CNOT7: variants seen among roughly 807,000 people sequenced by gnomAD.
CNOT7 encodes the protein BTG1-binding factor 1.
A neutral mutation model predicts 37.1 loss-of-function variants in CNOT7; 4 were observed. The observed-to-expected ratio is 0.11, with a 90% CI of 0.05 to 0.25. CNOT7 has a LOEUF of 0.25. Ranked by LOEUF, CNOT7 falls within the 10% of genes least tolerant of loss-of-function variation. The probability of loss-of-function intolerance (pLI) is 1.00; values close to 1 mark genes in which losing one functional copy is unlikely to be tolerated. For synonymous variants in CNOT7, 128 were observed against 115.6 expected, an observed-to-expected ratio of 1.11 and a Z score of -0.69; for missense variants, 170 against 336.2, an observed-to-expected ratio of 0.51 and a Z score of 3.87.
chr8:17,237,348 T>C lies in CNOT7; in HGVS notation c.337A>G (p.Ile113Val), dbSNP rs1563198871. Residue 113 changes from isoleucine to valine, a missense_variant, in exon 4 of 7, where the codon ATA becomes GTA. Ile to Val is a conservative substitution (Grantham distance 29, BLOSUM62 3). Transcript: ENST00000361272. ...LTEDMYAQDS[I>V]ELLTTSGIQF... ...ATACCAGATGTTGTTAGTAGCTCTA[T>C]AGAGTCCTGGGCATACATGTCCTCC... 1.2e-6 allele frequency: 2 copies of C among 1,614,080 alleles called. No homozygotes were observed. Among genetic ancestry groups the C allele is most frequent in the Non-Finnish European group, 1.7e-6 (2 of 1,179,976 alleles).
At chr8:17,234,626 G>A (rs1809093200) in intron 5 of CNOT7, 90 bp downstream of exon 5, 1 of 1,327,452 alleles carries the variant, frequency 7.5e-7, no homozygotes, top group South Asian at 1.2e-5. Context: ...TTTAAAATAT[G>A]GTTTAAAACA....
intron 2 of CNOT7, chr8:17,244,220 A>C (rs181632178): frequency 6.5e-6 from 1 of 153,430 alleles, no homozygotes; most frequent in Admixed American, 6.5e-5. Flanking sequence ...ATGGTAAAGA[A>C]GAAAAATCAT....
At chr8:17,239,519 G>C (rs1040087325) in intron 3 of CNOT7, among the ~76,000 whole-genome samples, 2 of 152,028 alleles carry the variant, frequency 1.3e-5, no homozygotes, top group Non-Finnish European at 1.5e-5. Context: ...TTTTTGAGAC[G>C]GAGTCTCACT....
Position 17,230,794 on chromosome 8 carries a change from G to C in CNOT7, c.784C>G (p.Leu262Val). The C allele has an allele frequency of 6.2e-7, 1 of 1,609,072 alleles. No individual in the cohort carries two copies. Among genetic ancestry groups the C allele is most frequent in the Non-Finnish European group, 8.5e-7 (1 of 1,176,588 alleles). The change falls in exon 7 of 7, where the codon CTT becomes GTT. Residue 262 changes from leucine (L) to valine (V), a missense_variant. By Grantham distance (32) the Leu-to-Val change is conservative. This residue lies in a region of CNOT7 where 25 missense variants were observed against 43.3 expected (regional missense o/e 0.58). Coordinates refer to ENST00000361272, the MANE Select transcript of CNOT7 (RefSeq NM_013354.7). ...TGTACATAGGATGAACCAGAACCAA[G>C]GCCATACAAATGACCACAATATTTG... ...DAKYCGHLYGLGSGSSYVQNG... is the reference protein window; with the variant it reads ...DAKYCGHLYGVGSGSSYVQNG...
At chr8:17,245,916 G>C (rs1316942666) in intron 1 of CNOT7, 1 of 151,144 alleles carries the variant, frequency 6.6e-6, no homozygotes, top group African/African-American at 2.4e-5. Context: ...CTTGGGCAGG[G>C]AAATTTCAAA....
At chr8:17,232,402 G>C (rs1171623767) in intron 6 of CNOT7, 25 bp downstream of exon 6, 5 of 1,613,534 alleles carry the variant, frequency 3.1e-6, no homozygotes, top group East Asian at 2.2e-5. Context: ...AACCAACTGA[G>C]AAAAAGGCAG....
Position 17,237,390 on chromosome 8 carries a change from A to T in CNOT7, c.312-17T>A, listed in dbSNP as rs1809521592. On this transcript the variant is annotated splice_polypyrimidine_tract_variant and intron_variant, in intron 3 of 6. Transcript: ENST00000361272. ...ATGTCCTCCCTGGCAGAAGAAAGAG[A>T]AAGACAACATTCAAACATGCCATTA... is the stretch of plus-strand genomic sequence containing the variant. 6.2e-7 allele frequency: 1 copy of T among 1,612,194 alleles called. No homozygotes were observed. Among genetic ancestry groups the T allele is most frequent in the Non-Finnish European group, 8.5e-7 (1 of 1,178,850 alleles).
At chr8:17,245,276 C>A in intron 1 of CNOT7, 29 bp from the exon 2 acceptor site, 1 of 946,742 alleles carries the variant, frequency 1.1e-6, no homozygotes, top group Non-Finnish European at 1.5e-6. Context: ...AATATGAAGA[C>A]CAGATATATC....
At position 17,230,755 on chromosome 8, in the gene CNOT7, T is replaced by A; in HGVS notation, c.823A>T (p.Asn275Tyr). ...GSSYVQNGTG[N>Y]AYEEEANKQS ...TTGTTGGCTTCCTCTTCATATGCAT[T>A]CCCTGTGCCATTCTGTACATAGGAT... Residue 275 changes from asparagine (N) to tyrosine (Y), a missense_variant, in exon 7 of 7, where the codon AAT (asparagine) becomes TAT (tyrosine). By Grantham distance (143) the Asn-to-Tyr change is moderately radical. Transcript: ENST00000361272. 6.2e-7 allele frequency: 1 copy of A among 1,606,518 alleles called. No homozygotes were observed. The highest frequency in any genetic ancestry group is 8.5e-7 in the Non-Finnish European group (1 of 1,176,362).
intron 3 of CNOT7, among the ~76,000 whole-genome samples, chr8:17,238,873 A>G (rs1239193249): frequency 1.3e-5 from 2 of 152,196 alleles, no homozygotes; most frequent in African/African-American, 2.4e-5. Context: ...CTTAGACTAC[A>G]AAGACAGCTT....
Position 17,237,337 on chromosome 8 carries a change from T to C in CNOT7, c.348A>G (p.Leu116=). The change falls in exon 4 of 7, where the codon CTA becomes CTG. Residue 116 remains leucine (L), a synonymous_variant. Coordinates refer to ENST00000361272, the MANE Select transcript of CNOT7 (RefSeq NM_013354.7). The part of the protein sequence containing the change: ...DMYAQDSIEL[L]TTSGIQFKKH... ...TTTTAAACTGGATACCAGATGTTGT[T>C]AGTAGCTCTATAGAGTCCTGGGCAT... is the stretch of plus-strand genomic sequence containing the variant. 1.9e-6 allele frequency: 3 copies of C among 1,614,126 alleles called. No homozygotes were observed. The highest frequency in any genetic ancestry group is 1.1e-5 in the South Asian group (1 of 91,086).
chr8:17,244,935 T>C (rs1481876525), intron 2 of CNOT7, 101 bp downstream of exon 2: 2 of 968,408 alleles, frequency 2.1e-6, no homozygotes, highest in Non-Finnish European at 3.1e-6. Context: ...ATGGTGAAAT[T>C]AATCCCTAAA....
chr8:17,234,022 C>G (rs553790195), intron 5 of CNOT7, among the ~76,000 whole-genome samples: 6 of 152,090 alleles, frequency 3.9e-5, no homozygotes, highest in Non-Finnish European at 8.8e-5. Flanking sequence ...CCACTGCACT[C>G]CAGCCTGGGC....
rs185769502 is a variant in CNOT7 at position 17,229,970 on chromosome 8, A to C, written c.*750T>G. ...TGGCAGATAGTAAACATCCAATCAC[A>C]AGGGATTTTTCCTGAAGGGTGTAAA... On this transcript the variant is annotated 3_prime_UTR_variant, in exon 7 of 7. Coordinates refer to ENST00000361272, the MANE Select transcript of CNOT7 (RefSeq NM_013354.7). 6.5e-3 allele frequency: 993 copies of C among 152,490 alleles called. 6 individuals are homozygous for C. Among genetic ancestry groups the C allele is most frequent in the Non-Finnish European group, 8.6e-3 (584 of 67,872 alleles). 9.4% of individuals were successfully genotyped at this position (152,490 alleles called of 1,614,324 possible). A position where few individuals can be genotyped will look rare whatever the true frequency, so the allele number is the denominator to read the frequency against.
At chr8:17,235,008 C>T (rs1432249050) in intron 4 of CNOT7, 148 bp from the exon 5 acceptor site, 3 of 639,506 alleles carry the variant, frequency 4.7e-6, no homozygotes, top group Non-Finnish European at 7.9e-6. Flanking sequence ...ACAGAGAAAA[C>T]AAACATATTG....
chr8:17,234,819 G>C lies in CNOT7; in HGVS notation c.515C>G (p.Ser172Cys), dbSNP rs1413135775. The change falls in exon 5 of 7, where the codon TCT (serine) becomes TGT (cysteine). Residue 172 changes from serine (S) to cysteine (C), a missense_variant. Around this residue, in one of 6 missense-constraint regions of CNOT7, gnomAD observed 68 missense variants for 151.1 expected, o/e 0.45. Transcript: ENST00000361272. Reference sequence around the variant, plus strand: ...GTCAAGTTCTTCTTCAGGCAAGTTAGAGTTGGTTAGGATTTTGATTAAGTA... The same window carrying C: ...GTCAAGTTCTTCTTCAGGCAAGTTACAGTTGGTTAGGATTTTGATTAAGTA... The part of the protein sequence containing the change: ...FGYLIKILTN[S>C]NLPEEELDFF... 14 of 1,613,872 alleles carry C rather than the reference G, an allele frequency of 8.7e-6. No individual in the cohort carries two copies. The highest frequency in any genetic ancestry group is 1.2e-5 in the Non-Finnish European group (14 of 1,179,964).
chr8:17,243,627 G>A (rs1810491404), intron 2 of CNOT7: 1 of 456,928 alleles, frequency 2.2e-6, no homozygotes, highest in Non-Finnish European at 4.4e-6. Context: ...AAAACCCTAA[G>A]AAAAACATCA....
In CNOT7 at chr8:17,231,520, A is replaced by C. The variant is rs1351710501; in HGVS notation, c.730-672T>G. 6.1e-6 allele frequency: 6 copies of C among 985,064 alleles called. No individual in the cohort carries two copies. In the East Asian group the frequency reaches 4.5e-4, roughly 74 times the overall value. 61.0% of individuals were successfully genotyped at this position (985,064 alleles called of 1,614,324 possible). The stretch of plus-strand genomic sequence containing the variant: ...TTCTGAATCAACAACACTACTTAGC[A>C]AAACAGCTTTAATGCTTTCTATTAT... On this transcript the variant is annotated intron_variant, in intron 6 of 6. Transcript: ENST00000361272.
Position 17,245,022 on chromosome 8 carries a change from G to C in CNOT7, c.117+14C>G. Reference sequence around the variant, plus strand: ...TTTATATGAAGCGTTTTAAAGATCTGCTTGTGGGCATACCATAGCAACGTA... The same window carrying C: ...TTTATATGAAGCGTTTTAAAGATCTCCTTGTGGGCATACCATAGCAACGTA... On this transcript the variant is annotated intron_variant, in intron 2 of 6. Transcript: ENST00000361272. 6.3e-7 allele frequency: 1 copy of C among 1,597,200 alleles called. No individual in the cohort carries two copies. Among genetic ancestry groups the C allele is most frequent in the South Asian group, 1.1e-5 (1 of 90,210 alleles).
Sources: gnomAD v4.1 joint callset for allele counts (sites outside exome capture counted in the v4.1 genomes callset) on GRCh38, gnomAD v4.1.1 for gene constraint, gnomAD v4.1.1 regional missense constraint, MANE v1.5 for transcripts, NCBI Gene and HGNC (gene_info 2026-07-23, HGNC 2026-07-21) for gene names.